The following PCDH9 variants were observed in gnomAD, a reference collection of about 807,000 sequenced individuals.
The protein encoded by PCDH9 is protocadherin 9.
Under a neutral mutation model 70.6 loss-of-function variants are expected in PCDH9, and 24 were observed. The observed-to-expected ratio is 0.34, with a 90% CI of 0.25 to 0.48. The LOEUF (loss-of-function observed/expected upper bound fraction) is 0.48, where lower values mean the gene tolerates loss of function less well. PCDH9 is among the 20% of genes least tolerant of loss of function. The pLI is 0.99. For missense variants in PCDH9, 1,281 were observed against 1,503.6 expected (o/e 0.85, Z 2.45); for synonymous variants, 562 against 558.5 (o/e 1.01, Z -0.09).
chr13:67,097,337 T>C (rs556862562), intron 2 of PCDH9, among the ~76,000 whole-genome samples: 2 of 152,176 alleles, frequency 1.3e-5, no homozygotes, highest in Non-Finnish European at 2.9e-5. Flanking sequence ...TGTTAATTTA[T>C]TTTCTCATTT....
chr13:67,146,314 ATACT>A lies in PCDH9; in HGVS notation c.3036+79087_3036+79090del, dbSNP rs1046444921. Reference sequence around the variant, plus strand: ...ATTAAGATACTTATAATATCTTAACATACTTAATAAATAAGCATACATAAAACAC... The same window carrying A: ...ATTAAGATACTTATAATATCTTAACATAATAAATAAGCATACATAAAACAC... On this transcript the variant is annotated intron_variant, in intron 2 of 4. Coordinates refer to ENST00000377865, the MANE Select transcript of PCDH9 (RefSeq NM_203487.3). 4.6e-5 allele frequency among the ~76,000 whole-genome samples: 7 copies of A among 152,326 alleles called. No individual in the cohort carries two copies. The East Asian group carries it at 5.8e-4, about 13-fold the overall frequency.
intron 1 of PCDH9, 54 bp downstream of exon 1, chr13:67,229,726 A>G (rs997728192): frequency 1.3e-5 from 2 of 152,212 alleles, no homozygotes; most frequent in African/African-American, 4.8e-5. Context: ...GCCTACACTG[A>G]GGACACATCT....
chr13:66,421,425 G>A (rs1957565279), intron 4 of PCDH9, among the ~76,000 whole-genome samples: 2 of 152,162 alleles, frequency 1.3e-5, no homozygotes, highest in South Asian at 4.1e-4. Flanking sequence ...GGCAGCTAGG[G>A]AAAAAGGTCT....
intron 2 of PCDH9, chr13:67,225,041 T>C (rs974848964): frequency 1.9e-6 from 2 of 1,068,724 alleles, no homozygotes; most frequent in African/African-American, 3.4e-5. Context: ...GATCAAAAGG[T>C]AAGGTGAAAG....
At chr13:66,810,506 A>T (rs569642102) in intron 3 of PCDH9, among the ~76,000 whole-genome samples, 7 of 152,194 alleles carry the variant, frequency 4.6e-5, no homozygotes, top group African/African-American at 1.7e-4. Flanking sequence ...TCTTGGGAAT[A>T]TAATAAATGT....
intron 4 of PCDH9, among the ~76,000 whole-genome samples, chr13:66,421,144 G>A (rs551402050): frequency 6.6e-6 from 1 of 151,746 alleles, no homozygotes; most frequent in South Asian, 2.1e-4. Flanking sequence ...AAAAAGGAAA[G>A]CAATGAACAA....
At chr13:66,637,679 C>T (rs1312727387) in intron 3 of PCDH9, among the ~76,000 whole-genome samples, 3 of 151,958 alleles carry the variant, frequency 2.0e-5, no homozygotes, top group East Asian at 1.9e-4. Flanking sequence ...TTTGGGAGGC[C>T]GAGGTGGGTG....
At chr13:66,327,281 T>A (rs187065280) in intron 4 of PCDH9, among the ~76,000 whole-genome samples, 1 of 152,166 alleles carries the variant, frequency 6.6e-6, no homozygotes, top group Non-Finnish European at 1.5e-5. Flanking sequence ...AAATCCCCCA[T>A]GCTGTACCAC....
chr13:67,225,334 C>G (rs755383214), intron 2 of PCDH9, 71 bp downstream of exon 2: 4 of 1,482,030 alleles, frequency 2.7e-6, no homozygotes. Context: ...AATAGACATA[C>G]TGGCACGTTA....
intron 3 of PCDH9, 44 bp from the exon 4 acceptor site, chr13:66,631,455 A>G (rs753777146): frequency 3.1e-5 from 35 of 1,139,188 alleles, no homozygotes; most frequent in Non-Finnish European, 4.1e-5. Context: ...ACTCCTCTCA[A>G]ATAAAACAGG....
At chr13:66,842,933 T>C (rs570706032) in intron 3 of PCDH9, among the ~76,000 whole-genome samples, 33 of 152,294 alleles carry the variant, frequency 2.2e-4, no homozygotes, top group Non-Finnish European at 4.0e-4. Context: ...CCAGCCTCTA[T>C]GGAAACCACG....
intron 3 of PCDH9, among the ~76,000 whole-genome samples, chr13:66,757,411 AATTAGTTCCACCAG>A (rs2079553910): frequency 6.6e-6 from 1 of 152,186 alleles, no homozygotes; most frequent in African/African-American, 2.4e-5. Context: ...GCTTAGTTTA[AATTAGTTCCACCAG>A]TAACATAGCT....
chr13:67,182,772 G>A (rs951382136), intron 2 of PCDH9, among the ~76,000 whole-genome samples: 1 of 152,056 alleles, frequency 6.6e-6, no homozygotes, highest in Non-Finnish European at 1.5e-5. Context: ...TTAGGAGATG[G>A]ATAAAATTTA....
intron 2 of PCDH9, among the ~76,000 whole-genome samples, chr13:67,118,270 G>T (rs2086815304): frequency 6.6e-6 from 1 of 152,088 alleles, no homozygotes; most frequent in South Asian, 2.1e-4. Flanking sequence ...GCAGGAGTGG[G>T]ATTCAACTAG....
At chr13:66,713,610 AAAGT>A (rs1255603268) in intron 3 of PCDH9, among the ~76,000 whole-genome samples, 1 of 74,988 alleles carries the variant, frequency 1.3e-5, no homozygotes, top group Non-Finnish European at 2.6e-5. Context: ...ATATATATAT[AAAGT>A]GTGTGTGTGT....
intron 2 of PCDH9, chr13:66,914,320 A>T (rs1278736279): frequency 5.9e-5 from 9 of 151,904 alleles, no homozygotes; most frequent in Admixed American, 5.3e-4. Flanking sequence ...TGTCTTTTGA[A>T]TTACTTCCTT....
chr13:66,423,649 A>G (rs1421358062), intron 4 of PCDH9, among the ~76,000 whole-genome samples: 1 of 152,216 alleles, frequency 6.6e-6, no homozygotes, highest in Non-Finnish European at 1.5e-5. Flanking sequence ...AAAAACACTC[A>G]ATAAACTAGG....
At chr13:66,910,142 C>T (rs1216393798) in intron 2 of PCDH9, among the ~76,000 whole-genome samples, 1 of 152,192 alleles carries the variant, frequency 6.6e-6, no homozygotes, top group Admixed American at 6.5e-5. Flanking sequence ...CTCAAAAGCA[C>T]TTCCTTTCTC....
chr13:66,333,938 A>G (rs1243549385), intron 4 of PCDH9, among the ~76,000 whole-genome samples: 1 of 151,994 alleles, frequency 6.6e-6, no homozygotes, highest in Non-Finnish European at 1.5e-5. Flanking sequence ...CTGATACATA[A>G]TAATTATACA....
Sources: gnomAD v4.1 joint callset for allele counts (sites outside exome capture counted in the v4.1 genomes callset) on GRCh38, gnomAD v4.1.1 for gene constraint, MANE v1.5 for transcripts, NCBI Gene and HGNC (gene_info 2026-07-23, HGNC 2026-07-21) for gene names.